The following ZNF496 variants were observed in gnomAD, a reference collection of about 807,000 sequenced individuals.
ZNF496 encodes the protein NSD1 (nuclear receptor binding SET-domain containing 1)-interacting zinc finger protein 1.
In ZNF496, 11 loss-of-function variants were observed where a neutral mutation model predicts 58.9. The ratio of observed to expected loss-of-function variants is 0.19; its 90% CI spans 0.12 to 0.31. ZNF496 has a LOEUF of 0.31. Ranked by LOEUF, ZNF496 falls within the 10% of genes least tolerant of loss-of-function variation. The pLI, the probability that ZNF496 is intolerant of heterozygous loss-of-function variation, is 1.00. For synonymous variants in ZNF496, 338 were observed against 318.2 expected, an observed-to-expected ratio of 1.06 and a Z score of -0.66; for missense variants, 660 against 783.0, an observed-to-expected ratio of 0.84 and a Z score of 1.88.
intron 9 of ZNF496, among the ~76,000 whole-genome samples, chr1:247,302,211 C>A (rs1406311291): frequency 1.3e-5 from 2 of 152,090 alleles, no homozygotes; most frequent in African/African-American, 4.8e-5. Context: ...CATGGTTAGT[C>A]TGGGCTTCAT....
chr1:247,326,420 C>T (rs1252434837), intron 5 of ZNF496, among the ~76,000 whole-genome samples: 2 of 152,030 alleles, frequency 1.3e-5, no homozygotes, highest in Non-Finnish European at 2.9e-5. Context: ...GAGAGCTGGC[C>T]CTGTTTTCCT....
chr1:247,313,899 CG>C (rs1195266609), intron 6 of ZNF496: 1 of 152,150 alleles, frequency 6.6e-6, no homozygotes, highest in Non-Finnish European at 1.5e-5. Flanking sequence ...TGATGGAATC[CG>C]GATGGCCACC....
chr1:247,329,882 G>T lies in ZNF496; in HGVS notation c.-38+84C>A. The T allele has an allele frequency of 3.0e-6, 1 of 331,462 alleles. No individual in the cohort carries two copies. Among genetic ancestry groups the T allele is most frequent in the Non-Finnish European group, 5.4e-6 (1 of 183,694 alleles). The allele number at this position is 331,462 out of a possible 1,614,324, so 20.5% of individuals were successfully genotyped here. Reference sequence around the variant, plus strand: ...GACAGGAAATCTGGGAGAAAGTGGTGGCATTTCAACGTGACACTGCTGTTT... The same window carrying T: ...GACAGGAAATCTGGGAGAAAGTGGTTGCATTTCAACGTGACACTGCTGTTT... On this transcript the variant is annotated intron_variant, in intron 3 of 9. Transcript: ENST00000682384. This position sits in a 1 kb window ranked among gnomAD's most constrained non-coding sequence, Gnocchi z 5.5.
In ZNF496 at chr1:247,328,695, T is replaced by C. The variant is rs1409630034; in HGVS notation, c.562A>G (p.Ser188Gly). The change falls in exon 5 of 10, where the codon AGC (serine) becomes GGC (glycine). Residue 188 changes from serine to glycine, a missense_variant. By Grantham distance (56) the Ser-to-Gly change is moderately conservative (BLOSUM62 0). Coordinates refer to ENST00000682384, the MANE Select transcript of ZNF496 (RefSeq NM_032752.3). ...GLPSRPPSQL[S>G]GDPVLQDAFL... The stretch of plus-strand genomic sequence containing the variant: ...CTGGGCTGCATACCTGGGTCCCCGC[T>C]GAGCTGGCTTGGTGGTCTGCTTGGG... 1.9e-6 allele frequency: 3 copies of C among 1,591,552 alleles called. No homozygotes were observed.
intron 9 of ZNF496, among the ~76,000 whole-genome samples, chr1:247,305,814 C>T (rs563828530): frequency 1.2e-4 from 19 of 152,330 alleles, no homozygotes; most frequent in Middle Eastern, 3.4e-3. Context: ...TGATGGCACA[C>T]GCCTGTAGTC....
Position 247,308,743 on chromosome 1 carries a change from C to T in ZNF496, c.893-155G>A. The T allele has an allele frequency of 3.1e-6, 2 of 637,856 alleles. No individual in the cohort carries two copies. The highest frequency in any genetic ancestry group is 5.4e-6 in the Non-Finnish European group (2 of 370,334). The allele number at this position is 637,856 out of a possible 1,614,324, so 39.5% of individuals were successfully genotyped here. On this transcript the variant is annotated intron_variant, in intron 8 of 9. Transcript: ENST00000682384. The surrounding 1 kb of genome is among the most constrained non-coding windows in gnomAD (Gnocchi z 4.5). ...GGGGTGGCCACTCAATAAGTGTCTG[C>T]TGAGTGAATGAACCTGAAGGCAAAA...
At chr1:247,319,795 C>T (rs535093044) in intron 6 of ZNF496, among the ~76,000 whole-genome samples, 5 of 152,018 alleles carry the variant, frequency 3.3e-5, no homozygotes, top group East Asian at 1.9e-4. Context: ...TGGTGGTGCG[C>T]GCCTGTAGTC....
intron 6 of ZNF496, chr1:247,312,841 G>A (rs1001148970): frequency 1.3e-5 from 2 of 152,038 alleles, no homozygotes; most frequent in East Asian, 3.9e-4. Context: ...CCCATTACCC[G>A]GTTCCCAAGC....
In ZNF496 at chr1:247,314,304, A is replaced by G. The variant is rs1176553050; in HGVS notation, c.652-3848T>C. On this transcript the variant is annotated intron_variant, in intron 6 of 9. Coordinates refer to ENST00000682384, the MANE Select transcript of ZNF496 (RefSeq NM_032752.3). Reference sequence around the variant, plus strand: ...ATGCTTGGGCTCAAGCAGTTCTCCCACCTCAGCCTCCCATAGGGCTGGGAT... The same window carrying G: ...ATGCTTGGGCTCAAGCAGTTCTCCCGCCTCAGCCTCCCATAGGGCTGGGAT... Among the ~76,000 whole-genome samples the G allele has an allele frequency of 2.0e-5, 3 of 151,990 alleles. No homozygotes were observed. In the East Asian group the frequency reaches 5.8e-4, roughly 29 times the overall value.
chr1:247,299,210 G>C lies in ZNF496; in HGVS notation c.*1309C>G, dbSNP rs564780204. ...GTGACCTTATTGGTAAACGGTTGCT[G>C]CGGATACAGATGAGGTTATACTGGA... On this transcript the variant is annotated 3_prime_UTR_variant, in exon 10 of 10. Coordinates refer to ENST00000682384, the MANE Select transcript of ZNF496 (RefSeq NM_032752.3). 1 of 152,334 alleles carries C rather than the reference G, an allele frequency of 6.6e-6. No homozygotes were observed. Among genetic ancestry groups the C allele is most frequent in the East Asian group, 1.9e-4 (1 of 5,186 alleles). 9.4% of individuals were successfully genotyped at this position (152,334 alleles called of 1,614,324 possible). A position where few individuals can be genotyped will look rare whatever the true frequency, so the allele number is the denominator to read the frequency against.
intron 9 of ZNF496, among the ~76,000 whole-genome samples, chr1:247,304,483 T>A (rs1244844586): frequency 6.6e-6 from 1 of 152,010 alleles, no homozygotes; most frequent in Non-Finnish European, 1.5e-5. Context: ...GCAATTCTCC[T>A]GCCTCAGCCT....
Position 247,300,905 on chromosome 1 carries a change from G to A in ZNF496, c.1378C>T (p.Gln460Ter). Residue 460 changes from glutamine (Q) to a stop codon, truncating the protein, a stop_gained, in exon 10 of 10, where the codon CAG becomes TAG. Transcript: ENST00000682384. LOFTEE classifies it high-confidence loss of function. The surrounding 1 kb of genome is among the most constrained non-coding windows in gnomAD (Gnocchi z 5.7). The part of the protein sequence containing the change: ...LDGHLESHEA[Q>*]KPYRCGACGK... Reference sequence around the variant, plus strand: ...CAGGCACCACACCGGTAAGGCTTCTGGGCCTCGTGGCTCTCTAGGTGCCCA... The same window carrying A: ...CAGGCACCACACCGGTAAGGCTTCTAGGCCTCGTGGCTCTCTAGGTGCCCA... 1 of 1,612,916 alleles carries A rather than the reference G, an allele frequency of 6.2e-7. No individual in the cohort carries two copies. Among genetic ancestry groups the A allele is most frequent in the Non-Finnish European group, 8.5e-7 (1 of 1,179,324 alleles).
In ZNF496 at chr1:247,329,355, C is replaced by G. The variant is rs1312816081; in HGVS notation, c.224G>C (p.Arg75Thr). 6.2e-7 allele frequency: 1 copy of G among 1,613,550 alleles called. No homozygotes were observed. Among genetic ancestry groups the G allele is most frequent in the Non-Finnish European group, 8.5e-7 (1 of 1,179,952 alleles). The change falls in exon 4 of 10, where the codon AGG becomes ACG. Residue 75 changes from arginine to threonine, a missense_variant. Coordinates refer to ENST00000682384, the MANE Select transcript of ZNF496 (RefSeq NM_032752.3). The surrounding 1 kb of genome is among the most constrained non-coding windows in gnomAD (Gnocchi z 5.5). ...DLCGGWLRPERHTKEQILELL... is the reference protein window; with the variant it reads ...DLCGGWLRPETHTKEQILELL... ...CTCCAGAATCTGCTCCTTGGTGTGC[C>G]TCTCAGGCCGCAGCCAGCCCCCGCA... is the stretch of plus-strand genomic sequence containing the variant.
In ZNF496 at chr1:247,308,871, C is replaced by T. The variant is rs1572076160; in HGVS notation, c.893-283G>A. 2.5e-6 allele frequency: 1 copy of T among 398,392 alleles called. No homozygotes were observed. The highest frequency in any genetic ancestry group is 2.2e-5 in the South Asian group (1 of 44,792). The allele number at this position is 398,392 out of a possible 1,614,324, so 24.7% of individuals were successfully genotyped here. The stretch of plus-strand genomic sequence containing the variant: ...GGCCAGAGACAAGCACTTCCCCCAG[C>T]CCCATATTTATTCCCACTTTCTGTG... On this transcript the variant is annotated intron_variant, in intron 8 of 9. Transcript: ENST00000682384. The surrounding 1 kb of genome is among the most constrained non-coding windows in gnomAD (Gnocchi z 4.5).
intron 6 of ZNF496, among the ~76,000 whole-genome samples, chr1:247,317,201 G>A (rs1387956299): frequency 1.3e-5 from 2 of 152,118 alleles, no homozygotes; most frequent in South Asian, 2.1e-4. Context: ...TGGCAGAATG[G>A]CCAGGGACCT....
intron 9 of ZNF496, among the ~76,000 whole-genome samples, chr1:247,301,579 C>T (rs1352778825): frequency 1.3e-5 from 2 of 152,118 alleles, no homozygotes; most frequent in Non-Finnish European, 2.9e-5. Context: ...ACCACCCCAT[C>T]CCCCCAAGCT....
Position 247,308,771 on chromosome 1 carries a change from G to T in ZNF496, c.893-183C>A, listed in dbSNP as rs920358106. Reference sequence around the variant, plus strand: ...AGTGAATGAACCTGAAGGCAAAATGGGCCAACTCCACAAACATGAGCTCTG... The same window carrying T: ...AGTGAATGAACCTGAAGGCAAAATGTGCCAACTCCACAAACATGAGCTCTG... On this transcript the variant is annotated intron_variant, in intron 8 of 9. Coordinates refer to ENST00000682384, the MANE Select transcript of ZNF496 (RefSeq NM_032752.3). The surrounding 1 kb of genome is among the most constrained non-coding windows in gnomAD (Gnocchi z 4.5). 1.0e-5 allele frequency: 6 copies of T among 572,072 alleles called. No homozygotes were observed. The highest frequency in any genetic ancestry group is 7.5e-5 in the African/African-American group (4 of 53,078). 35.4% of individuals were successfully genotyped at this position (572,072 alleles called of 1,614,324 possible).
In ZNF496 at chr1:247,303,897, C is replaced by T. The variant is rs141780377; in HGVS notation, c.1007-2621G>A. 286 of 174,416 alleles carry T rather than the reference C, an allele frequency of 1.6e-3. 1 individual carries two copies. Among genetic ancestry groups the T allele is most frequent in the Non-Finnish European group, 3.1e-3 (243 of 79,506 alleles). 10.8% of individuals were successfully genotyped at this position (174,416 alleles called of 1,614,324 possible). On this transcript the variant is annotated intron_variant, in intron 9 of 9. Transcript: ENST00000682384. Reference sequence around the variant, plus strand: ...TTAAAGAGATTCTGGGTATGATTCACGGATCCAATCAACCATCTCAACAGA... The same window carrying T: ...TTAAAGAGATTCTGGGTATGATTCATGGATCCAATCAACCATCTCAACAGA...
Position 247,297,418 on chromosome 1 carries a change from A to G in ZNF496, c.*3101T>C, listed in dbSNP as rs979253744. ...AATGAAAAGCCTAACAGGAATATTG[A>G]CTCAGCAAGTTTTTATTATGCACCT... On this transcript the variant is annotated 3_prime_UTR_variant, in exon 10 of 10. Transcript: ENST00000682384. The G allele has an allele frequency of 6.6e-6, 1 of 152,114 alleles. No homozygotes were observed. The highest frequency in any genetic ancestry group is 2.4e-5 in the African/African-American group (1 of 41,428). 9.4% of individuals were successfully genotyped at this position (152,114 alleles called of 1,614,324 possible).
Sources: gnomAD v4.1 joint callset for allele counts (sites outside exome capture counted in the v4.1 genomes callset) on GRCh38, gnomAD v4.1.1 for gene constraint, Gnocchi (gnomAD v3.1) non-coding constraint, MANE v1.5 for transcripts, NCBI Gene and HGNC (gene_info 2026-07-23, HGNC 2026-07-21) for gene names.